ARHGAP42: variants seen among roughly 807,000 people sequenced by gnomAD.
ARHGAP42 encodes Rho GTPase activating protein 42.
In ARHGAP42, 63 loss-of-function variants were observed where a neutral mutation model predicts 125.0. That is an observed-to-expected ratio of 0.50 (90% CI 0.41 to 0.62). ARHGAP42 has a LOEUF of 0.62. Ranked by LOEUF, ARHGAP42 falls within the 20% of genes least tolerant of loss-of-function variation. The probability of loss-of-function intolerance (pLI) is 0.00; values close to 1 mark genes in which losing one functional copy is unlikely to be tolerated. For synonymous variants in ARHGAP42, 339 were observed against 351.0 expected (o/e 0.97, Z 0.38); for missense variants, 766 against 1,024.2 (o/e 0.75, Z 3.44).
intron 9 of ARHGAP42, among the ~76,000 whole-genome samples, chr11:100,943,453 T>C (rs79340441): frequency 0.05 from 7,533 of 152,128 alleles, 326 homozygotes; most frequent in East Asian, 0.25. Context: ...GTTTTCTAAA[T>C]CTAAGAATTG....
At chr11:100,725,011 A>G (rs990080943) in intron 1 of ARHGAP42, among the ~76,000 whole-genome samples, 1 of 116,120 alleles carries the variant, frequency 8.6e-6, no homozygotes, top group African/African-American at 2.6e-5. Context: ...AATTTTTATA[A>G]GTTTTATTTT....
chr11:100,693,048 C>T (rs565653899), intron 1 of ARHGAP42, among the ~76,000 whole-genome samples: 1 of 152,064 alleles, frequency 6.6e-6, no homozygotes, highest in African/African-American at 2.4e-5. Context: ...GGCAAGTTTA[C>T]AAAATTTGAG....
At chr11:100,965,609 G>A (rs1858070613) in intron 16 of ARHGAP42, 62 bp from the exon 17 acceptor site, 1 of 1,349,564 alleles carries the variant, frequency 7.4e-7, no homozygotes. Flanking sequence ...GATTACTAAT[G>A]TTTACATACC....
intron 1 of ARHGAP42, among the ~76,000 whole-genome samples, chr11:100,715,738 A>T (rs368140215): frequency 1.6e-4 from 25 of 152,274 alleles, no homozygotes; most frequent in African/African-American, 6.0e-4. Context: ...TGAGATTGAT[A>T]TTGGTGTGTG....
chr11:100,931,132 G>A (rs1008982142), intron 6 of ARHGAP42, among the ~76,000 whole-genome samples: 2 of 152,094 alleles, frequency 1.3e-5, no homozygotes, highest in African/African-American at 4.8e-5. Flanking sequence ...AGCACAGTTT[G>A]TATATATTGA....
intron 3 of ARHGAP42, chr11:100,839,854 A>G (rs1864902812): frequency 6.6e-6 from 1 of 152,144 alleles, no homozygotes; most frequent in African/African-American, 2.4e-5. Flanking sequence ...TAGAACCTCC[A>G]AGCTTTCAAA....
At chr11:100,917,113 A>G (rs929276167) in intron 5 of ARHGAP42, among the ~76,000 whole-genome samples, 3 of 152,016 alleles carry the variant, frequency 2.0e-5, no homozygotes, top group African/African-American at 7.2e-5. Context: ...TTTCTCTGTC[A>G]TAGTAACAAA....
intron 1 of ARHGAP42, among the ~76,000 whole-genome samples, chr11:100,705,977 C>CTTTT (rs34731514): frequency 1.9e-4 from 21 of 112,060 alleles, no homozygotes; most frequent in Non-Finnish European, 3.2e-4. Context: ...AGTTAAGTAA[C>CTTTT]TTTTTTTTTT....
rs1411881947 is a variant in ARHGAP42, at chr11:100,774,973, C to CAG, written c.250+4540_250+4541dup. Among the ~76,000 whole-genome samples the CAG allele has an allele frequency of 2.0e-5, 3 of 152,148 alleles. No homozygotes were observed. In the East Asian group the frequency reaches 5.8e-4, roughly 29 times the overall value. On this transcript the variant is annotated intron_variant, in intron 2 of 23. Coordinates refer to ENST00000298815, the MANE Select transcript of ARHGAP42 (RefSeq NM_152432.4). The stretch of plus-strand genomic sequence containing the variant: ...GACCCAGTGGGGAATTCCTGTGGCT[C>CAG]AGAGAGCAGGTCAGGACTGAAGTTC...
intron 6 of ARHGAP42, among the ~76,000 whole-genome samples, chr11:100,925,375 G>A (rs779330174): frequency 4.6e-5 from 7 of 151,966 alleles, no homozygotes; most frequent in Non-Finnish European, 1.0e-4. Flanking sequence ...AGGTTGAAAT[G>A]CTATTTTGGA....
At chr11:100,738,235 C>T (rs1451932430) in intron 1 of ARHGAP42, among the ~76,000 whole-genome samples, 1 of 152,166 alleles carries the variant, frequency 6.6e-6, no homozygotes, top group Non-Finnish European at 1.5e-5. Flanking sequence ...CAATTATTTA[C>T]ATATGTTTTC....
chr11:100,758,499 T>C (rs1862626240), intron 1 of ARHGAP42, among the ~76,000 whole-genome samples: 1 of 152,200 alleles, frequency 6.6e-6, no homozygotes, highest in African/African-American at 2.4e-5. Context: ...TGATTTTTGT[T>C]GTCACTGTAG....
rs142003837 is a variant in ARHGAP42 at position 100,827,762 on chromosome 11, C to T, written c.313-31792C>T. Among the ~76,000 whole-genome samples the T allele has an allele frequency of 7.5e-4, 115 of 152,324 alleles. 1 individual carries two copies. In the East Asian group the frequency reaches 0.02, roughly 27 times the overall value. On this transcript the variant is annotated intron_variant, in intron 3 of 23. Transcript: ENST00000298815. ...TAATATTCACAAGAGAGAGCTGGCT[C>T]TAGCCCATCTCCTTGGCCAGAGAAA...
At chr11:100,906,279 A>T (rs1318700889) in intron 4 of ARHGAP42, among the ~76,000 whole-genome samples, 1 of 152,162 alleles carries the variant, frequency 6.6e-6, no homozygotes, top group African/African-American at 2.4e-5. Context: ...ATTTGTAAAT[A>T]TTTTTATTTT....
chr11:100,827,247 C>T (rs887999599), intron 3 of ARHGAP42, among the ~76,000 whole-genome samples: 4 of 152,098 alleles, frequency 2.6e-5, no homozygotes, highest in Non-Finnish European at 4.4e-5. Flanking sequence ...AAGTGATTCA[C>T]CCATCTTAGC....
intron 3 of ARHGAP42, among the ~76,000 whole-genome samples, chr11:100,814,612 T>A (rs1864222751): frequency 6.6e-6 from 1 of 152,074 alleles, no homozygotes; most frequent in Non-Finnish European, 1.5e-5. Flanking sequence ...CTCAGGAAAC[T>A]TACAGTCATG....
chr11:100,705,523 C>T (rs1486234019), intron 1 of ARHGAP42, among the ~76,000 whole-genome samples: 1 of 152,070 alleles, frequency 6.6e-6, no homozygotes, highest in East Asian at 1.9e-4. Context: ...ATTGAGATAA[C>T]ACATGTAAAG....
chr11:100,917,768 C>T (rs1459568593), intron 5 of ARHGAP42, among the ~76,000 whole-genome samples: 1 of 152,082 alleles, frequency 6.6e-6, no homozygotes. Flanking sequence ...GACAGGGTTT[C>T]ACTATGTTGG....
intron 11 of ARHGAP42, among the ~76,000 whole-genome samples, chr11:100,948,803 T>C (rs1458766564): frequency 6.6e-6 from 1 of 152,110 alleles, no homozygotes; most frequent in Non-Finnish European, 1.5e-5. Context: ...CTCATCACCT[T>C]GGCTCCACCC....
Sources: allele counts gnomAD v4.1 joint callset (sites outside exome capture counted in the v4.1 genomes callset), GRCh38; gene constraint gnomAD v4.1.1; transcripts MANE v1.5; gene names NCBI Gene and HGNC (gene_info 2026-07-23, HGNC 2026-07-21).